The following CHD7 variants were observed in gnomAD, a reference collection of about 807,000 sequenced individuals.
CHD7 encodes chromodomain helicase DNA binding protein 7.
Under a neutral mutation model 307.3 loss-of-function variants are expected in CHD7, and 24 were observed. That is an observed-to-expected ratio of 0.08 (90% confidence interval 0.06 to 0.11). The LOEUF is 0.11. Ranked by LOEUF, CHD7 falls within the 10% of genes least tolerant of loss-of-function variation. CHD7 has a pLI of 1.00. For missense variants in CHD7, 3,106 were observed against 3,727.1 expected (o/e 0.83, Z 4.34); for synonymous variants, 1,363 against 1,349.9 (o/e 1.01, Z -0.21).
At chr8:60,795,925 C>T (rs983734671) in intron 4 of CHD7, among the ~76,000 whole-genome samples, 2 of 152,102 alleles carry the variant, frequency 1.3e-5, no homozygotes, top group Non-Finnish European at 2.9e-5. Flanking sequence ...AAGAGTTGTC[C>T]TGGAGTAGGA....
At chr8:60,819,983 C>CTT in intron 8 of CHD7, 24 bp from the exon 9 acceptor site, 14 of 1,286,962 alleles carry the variant, frequency 1.1e-5, no homozygotes, top group South Asian at 1.4e-5. Context: ...AAACCTTTAA[C>CTT]TTTTTTTTTT....
At chr8:60,712,389 A>G (rs1398243489) in intron 1 of CHD7, among the ~76,000 whole-genome samples, 1 of 152,224 alleles carries the variant, frequency 6.6e-6, no homozygotes, top group Non-Finnish European at 1.5e-5. Flanking sequence ...AATTTTTACA[A>G]TGTTTGAGGA....
Position 60,837,821 on chromosome 8 carries a change from A to G in CHD7, c.4339A>G (p.Asn1447Asp). ...AVLQSMSGRENATNGVQQLSK... is the reference protein window; with the variant it reads ...AVLQSMSGREDATNGVQQLSK... The stretch of plus-strand genomic sequence containing the variant: ...GCTACAGTCTATGAGTGGAAGAGAA[A>G]ATGCTACCAATGGGGTAAAACCACC... Residue 1447 changes from asparagine to aspartate, a missense_variant, in exon 18 of 38, where the codon AAT becomes GAT. Coordinates refer to ENST00000423902, the MANE Select transcript of CHD7 (RefSeq NM_017780.4). 6.2e-7 allele frequency: 1 copy of G among 1,612,944 alleles called. No individual in the cohort carries two copies. The highest frequency in any genetic ancestry group is 8.5e-7 in the Non-Finnish European group (1 of 1,179,184).
At chr8:60,706,969 C>CCT (rs1807053394) in intron 1 of CHD7, among the ~76,000 whole-genome samples, 2 of 152,172 alleles carry the variant, frequency 1.3e-5, no homozygotes, top group Non-Finnish European at 2.9e-5. Flanking sequence ...TTCCTCCCTG[C>CCT]TCCCCCCACC....
At chr8:60,680,919 A>C (rs999717170) in intron 1 of CHD7, among the ~76,000 whole-genome samples, 5 of 152,142 alleles carry the variant, frequency 3.3e-5, no homozygotes, top group African/African-American at 1.2e-4. Flanking sequence ...AATACATTAC[A>C]TGTCTTAATT....
At chr8:60,704,042 T>A (rs1806894461) in intron 1 of CHD7, among the ~76,000 whole-genome samples, 3 of 152,176 alleles carry the variant, frequency 2.0e-5, no homozygotes, top group African/African-American at 7.2e-5. Context: ...TTAGGGCTTT[T>A]TTCCCCTGAT....
intron 1 of CHD7, among the ~76,000 whole-genome samples, chr8:60,702,430 T>G (rs527846629): frequency 6.6e-5 from 10 of 152,364 alleles, no homozygotes; most frequent in African/African-American, 2.4e-4. Flanking sequence ...TTGTGTCTTA[T>G]AGCTCTTGTT....
intron 15 of CHD7, among the ~76,000 whole-genome samples, chr8:60,834,502 T>G (rs1337671288): frequency 6.6e-6 from 1 of 152,228 alleles, no homozygotes; most frequent in Non-Finnish European, 1.5e-5. Flanking sequence ...AAATTTCATG[T>G]TTTAAAAAAT....
intron 1 of CHD7, among the ~76,000 whole-genome samples, chr8:60,731,578 G>A (rs1050392039): frequency 6.6e-6 from 1 of 152,158 alleles, no homozygotes; most frequent in Non-Finnish European, 1.5e-5. Context: ...TTTGTTATAA[G>A]TTGAAATGAC....
chr8:60,685,200 G>A (rs936368442), intron 1 of CHD7, among the ~76,000 whole-genome samples: 2 of 152,134 alleles, frequency 1.3e-5, no homozygotes, highest in Non-Finnish European at 2.9e-5. Flanking sequence ...CATTGCTAGT[G>A]GCATTCCAGA....
intron 13 of CHD7, among the ~76,000 whole-genome samples, chr8:60,827,404 A>G (rs1009902192): frequency 3.3e-5 from 5 of 152,350 alleles, no homozygotes; most frequent in African/African-American, 1.2e-4. Context: ...GGGAGACACG[A>G]TATCAATACA....
At chr8:60,822,429 T>C in intron 11 of CHD7, 74 bp from the exon 12 acceptor site, 1 of 1,418,358 alleles carries the variant, frequency 7.1e-7, no homozygotes, top group Non-Finnish European at 9.8e-7. Flanking sequence ...TACAATGGTA[T>C]ATATTTTGTG....
chr8:60,854,273 T>C (rs1805608200), intron 31 of CHD7, 90 bp from the exon 32 acceptor site: 1 of 1,130,440 alleles, frequency 8.8e-7, no homozygotes, highest in Non-Finnish European at 1.3e-6. Context: ...ATGGAGCTGA[T>C]TAGTATTCAC....
chr8:60,728,648 CTG>C (rs1333572263), intron 1 of CHD7, among the ~76,000 whole-genome samples: 2 of 152,238 alleles, frequency 1.3e-5, no homozygotes, highest in Non-Finnish European at 2.9e-5. Flanking sequence ...GCTGGGGACA[CTG>C]TGCACATTTA....
Position 60,742,684 on chromosome 8 carries a change from G to A in CHD7, c.1252G>A (p.Ala418Thr), listed in dbSNP as rs1809109366. ...TPPPQVRPGS[A>T]GIPMEVGSYP... is the part of the protein sequence containing the mutation. ...TCCTCCACAAGTCAGGCCGGGAAGT[G>A]CTGGGATACCAATGGAAGTTGGCAG... Residue 418 changes from alanine to threonine, a missense_variant, in exon 2 of 38, where the codon GCT becomes ACT. Ala to Thr is a moderately conservative substitution (Grantham distance 58, BLOSUM62 0). Coordinates refer to ENST00000423902, the MANE Select transcript of CHD7 (RefSeq NM_017780.4). 6.2e-7 allele frequency: 1 copy of A among 1,611,594 alleles called. No individual in the cohort carries two copies. Among genetic ancestry groups the A allele is most frequent in the Non-Finnish European group, 8.5e-7 (1 of 1,178,186 alleles).
At chr8:60,855,515 C>T (rs1035648009) in intron 32 of CHD7, among the ~76,000 whole-genome samples, 3 of 152,180 alleles carry the variant, frequency 2.0e-5, no homozygotes, top group East Asian at 1.9e-4. Flanking sequence ...TTAATAGTGA[C>T]GCTAATGATG....
In CHD7 at chr8:60,823,338, G is replaced by A. The variant is rs1010117048; in HGVS notation, c.3202-502G>A. The stretch of plus-strand genomic sequence containing the variant: ...GTACTAAAATAGTTTTATGTTATGG[G>A]TAGTAAATGGAAGTCCTGTAAATAG... On this transcript the variant is annotated intron_variant, in intron 12 of 37. Coordinates refer to ENST00000423902, the MANE Select transcript of CHD7 (RefSeq NM_017780.4). Among the ~76,000 whole-genome samples the A allele has an allele frequency of 1.5e-4, 23 of 152,112 alleles. No homozygotes were observed. In the Middle Eastern group the frequency reaches 0.01, roughly 67 times the overall value.
chr8:60,766,297 G>A (rs1302612754), intron 2 of CHD7, among the ~76,000 whole-genome samples: 1 of 152,210 alleles, frequency 6.6e-6, no homozygotes, highest in Admixed American at 6.5e-5. Flanking sequence ...GAGAAAGGGG[G>A]GGAATTATAG....
At chr8:60,835,338 A>G (rs1804693545) in intron 15 of CHD7, among the ~76,000 whole-genome samples, 1 of 152,190 alleles carries the variant, frequency 6.6e-6, no homozygotes, top group African/African-American at 2.4e-5. Flanking sequence ...CATGTGGGGG[A>G]AAAGAAGGGT....
Sources: gnomAD v4.1 joint callset for allele counts (sites outside exome capture counted in the v4.1 genomes callset) on GRCh38, gnomAD v4.1.1 for gene constraint, MANE v1.5 for transcripts, NCBI Gene and HGNC (gene_info 2026-07-23, HGNC 2026-07-21) for gene names.